RREB1: variants seen among roughly 807,000 people sequenced by gnomAD.
RREB1 encodes the protein ras responsive element binding protein 1, also known as ras-responsive element-binding protein 1.
A neutral mutation model predicts 117.8 loss-of-function variants in RREB1; 27 were observed. That is an observed-to-expected ratio of 0.23 (90% confidence interval 0.17 to 0.32). The LOEUF (loss-of-function observed/expected upper bound fraction) is 0.32, where lower values mean the gene tolerates loss of function less well. Among genes scored for constraint, RREB1 ranks in the 10% least tolerant of loss-of-function variants. The probability of loss-of-function intolerance (pLI) is 1.00; values close to 1 mark genes in which losing one functional copy is unlikely to be tolerated. For missense variants in RREB1, 2,577 were observed against 2,378.2 expected (o/e 1.08, Z -1.74); for synonymous variants, 1,298 against 1,026.7 (o/e 1.26, Z -5.05).
chr6:7,220,654 G>A (rs1767194699), intron 8 of RREB1, among the ~76,000 whole-genome samples: 1 of 152,194 alleles, frequency 6.6e-6, no homozygotes, highest in Non-Finnish European at 1.5e-5. Context: ...CAGCCAATCC[G>A]ATTTGTAAAC....
intron 8 of RREB1, chr6:7,218,498 AAG>A (rs1561787110): frequency 6.6e-6 from 1 of 152,222 alleles, no homozygotes; most frequent in Admixed American, 6.5e-5. Context: ...AAAAAAAAAA[AAG>A]AGACTTTTGG....
At chr6:7,125,250 T>A (rs1168432147) in intron 1 of RREB1, among the ~76,000 whole-genome samples, 1 of 152,200 alleles carries the variant, frequency 6.6e-6, no homozygotes, top group Non-Finnish European at 1.5e-5. Context: ...AGCATAAGAC[T>A]GTCAGGGAAA....
chr6:7,179,397 T>C (rs764083400), intron 2 of RREB1, among the ~76,000 whole-genome samples: 3 of 152,056 alleles, frequency 2.0e-5, no homozygotes, highest in Admixed American at 6.6e-5. Flanking sequence ...TAGCTGGGAG[T>C]AGCCCTCTTT....
chr6:7,246,051 C>T (rs1365714678), intron 11 of RREB1, among the ~76,000 whole-genome samples: 1 of 152,206 alleles, frequency 6.6e-6, no homozygotes, highest in Non-Finnish European at 1.5e-5. Flanking sequence ...CTCAAGCTTC[C>T]TCAACTTCCC....
intron 8 of RREB1, among the ~76,000 whole-genome samples, chr6:7,221,834 C>T (rs1450520401): frequency 6.6e-6 from 1 of 152,202 alleles, no homozygotes; most frequent in African/African-American, 2.4e-5. Context: ...GAAGAGAGAA[C>T]ATGTTCCTTT....
intron 6 of RREB1, among the ~76,000 whole-genome samples, chr6:7,197,965 C>T (rs560716436): frequency 3.9e-5 from 6 of 152,322 alleles, no homozygotes; most frequent in South Asian, 2.1e-4. Flanking sequence ...CAGCCCTTGG[C>T]GCACAACTGC....
At chr6:7,210,974 C>G (rs751539405) in intron 7 of RREB1, 26 bp downstream of exon 7, 3 of 1,605,534 alleles carry the variant, frequency 1.9e-6, no homozygotes, top group Admixed American at 1.7e-5. Context: ...AGTGCAGATT[C>G]ACCTGCTCAG....
At chr6:7,127,919 G>C (rs1227859435) in intron 1 of RREB1, among the ~76,000 whole-genome samples, 2 of 152,120 alleles carry the variant, frequency 1.3e-5, no homozygotes, top group Admixed American at 1.3e-4. Flanking sequence ...CAACAAAGGA[G>C]CATCATGTGC....
chr6:7,161,944 G>C (rs542005960), intron 1 of RREB1, among the ~76,000 whole-genome samples: 1 of 152,258 alleles, frequency 6.6e-6, no homozygotes, highest in East Asian at 1.9e-4. Flanking sequence ...TTATTTCATC[G>C]TGGGCTTTAA....
chr6:7,140,794 T>C (rs1762531112), intron 1 of RREB1: 1 of 152,246 alleles, frequency 6.6e-6, no homozygotes, highest in African/African-American at 2.4e-5. Flanking sequence ...AAAGTGGACT[T>C]GGTCCTGCTC....
chr6:7,174,100 T>C (rs1415955934), intron 1 of RREB1, among the ~76,000 whole-genome samples: 1 of 151,772 alleles, frequency 6.6e-6, no homozygotes, highest in East Asian at 1.9e-4. Context: ...ACCCAGGCTT[T>C]CTGTCACACT....
At chr6:7,225,420 A>G (rs1412616290) in intron 8 of RREB1, among the ~76,000 whole-genome samples, 1 of 152,178 alleles carries the variant, frequency 6.6e-6, no homozygotes, top group Admixed American at 6.5e-5. Context: ...ACTACATTCC[A>G]TGCAAGTCTA....
At chr6:7,140,687 G>A (rs1229761789) in intron 1 of RREB1, 1 of 152,242 alleles carries the variant, frequency 6.6e-6, no homozygotes, top group Non-Finnish European at 1.5e-5. Context: ...TCCTTAGCTG[G>A]ACAGCGGGTT....
At chr6:7,131,842 A>G (rs1488112547) in intron 1 of RREB1, among the ~76,000 whole-genome samples, 1 of 151,400 alleles carries the variant, frequency 6.6e-6, no homozygotes, top group Non-Finnish European at 1.5e-5. Context: ...ATAATGTACT[A>G]TAGGTTAAGC....
At chr6:7,131,366 A>T (rs1762151164) in intron 1 of RREB1, among the ~76,000 whole-genome samples, 1 of 152,228 alleles carries the variant, frequency 6.6e-6, no homozygotes, top group Non-Finnish European at 1.5e-5. Context: ...GGAAGGTGGC[A>T]TTTGGGGAGG....
At chr6:7,125,672 A>G (rs56924188) in intron 1 of RREB1, among the ~76,000 whole-genome samples, 3,183 of 152,244 alleles carry the variant, frequency 0.021, 106 homozygotes, top group African/African-American at 0.072. Flanking sequence ...TGGAAACTCA[A>G]GGTTTTGCCT....
At chr6:7,162,243 T>C (rs1445124106) in intron 1 of RREB1, among the ~76,000 whole-genome samples, 1 of 152,154 alleles carries the variant, frequency 6.6e-6, no homozygotes. Flanking sequence ...CTACTGTCTT[T>C]ATCTCATTTT....
At chr6:7,147,947 A>G (rs558185306) in intron 1 of RREB1, among the ~76,000 whole-genome samples, 1 of 152,280 alleles carries the variant, frequency 6.6e-6, no homozygotes, top group South Asian at 2.1e-4. Context: ...GACACTGGAC[A>G]CTGCTGGATT....
In RREB1 at chr6:7,246,957, A is replaced by G. The variant is rs749019849; in HGVS notation, c.4507A>G (p.Thr1503Ala). ...TGAACAGGAGGAGAAGCCCCCCGAG[A>G]CCCCGGCAGAGGTGGTGGAGTCGGC... is the stretch of plus-strand genomic sequence containing the variant. ...APEQEEKPPETPAEVVESAPG... is the reference protein window; with the variant it reads ...APEQEEKPPEAPAEVVESAPG... The change falls in exon 12 of 13, where the codon ACC (threonine) becomes GCC (alanine). Residue 1503 changes from threonine to alanine, a missense_variant. Transcript: ENST00000379938. 1.9e-6 allele frequency: 3 copies of G among 1,565,540 alleles called. No individual in the cohort carries two copies. In the South Asian group the frequency reaches 3.5e-5, roughly 18 times the overall value.
Sources: gnomAD v4.1 joint callset for allele counts (sites outside exome capture counted in the v4.1 genomes callset) on GRCh38, gnomAD v4.1.1 for gene constraint, MANE v1.5 for transcripts, NCBI Gene and HGNC (gene_info 2026-07-23, HGNC 2026-07-21) for gene names.